NDST1: variants seen among roughly 807,000 people sequenced by gnomAD.
NDST1 encodes bifunctional heparan sulfate N-deacetylase/N-sulfotransferase 1.
Under a neutral mutation model 92.8 loss-of-function variants are expected in NDST1, and 35 were observed. The ratio of observed to expected loss-of-function variants is 0.38; its 90% CI spans 0.29 to 0.50. NDST1 has a LOEUF of 0.50. Among genes scored for constraint, NDST1 ranks in the 20% least tolerant of loss-of-function variants. The pLI is 0.94. For synonymous variants in NDST1, 493 were observed against 500.3 expected (o/e 0.99, Z 0.19); for missense variants, 822 against 1,182.7 (o/e 0.69, Z 4.47).
chr5:150,507,814 A>C (rs970062630), upstream of NDST1: 2 of 152,416 alleles, frequency 1.3e-5, no homozygotes, highest in Non-Finnish European at 1.5e-5. Context: ...TGAGAGGGTC[A>C]GAAGACCCAC....
chr5:150,542,833 C>G lies in NDST1; in HGVS notation c.1847-15C>G. The G allele has an allele frequency of 6.2e-7, 1 of 1,614,022 alleles. No homozygotes were observed. Among genetic ancestry groups the G allele is most frequent in the Non-Finnish European group, 8.5e-7 (1 of 1,179,916 alleles). On this transcript the variant is annotated splice_polypyrimidine_tract_variant and intron_variant, in intron 9 of 14. Coordinates refer to ENST00000261797, the MANE Select transcript of NDST1 (RefSeq NM_001543.5). ...GGGCTGGGCCCTGGGTCTCAGGTGT[C>G]TACCCTCCCCACAGGCACCACTGCC...
At chr5:150,517,807 C>T (rs1036599230) in intron 1 of NDST1, among the ~76,000 whole-genome samples, 3 of 152,260 alleles carry the variant, frequency 2.0e-5, no homozygotes, top group African/African-American at 7.2e-5. Context: ...TAGAGGGTCA[C>T]TGACCACAGC....
chr5:150,509,794 C>A (rs571760448), intron 1 of NDST1, among the ~76,000 whole-genome samples: 2 of 152,348 alleles, frequency 1.3e-5, no homozygotes, highest in South Asian at 2.1e-4. Context: ...CAGGCAGGGG[C>A]CACTGCCCCG....
rs1046792376 is a variant in NDST1, at chr5:150,548,529, G to T, written c.2316+141G>T. On this transcript the variant is annotated intron_variant, in intron 12 of 14. Coordinates refer to ENST00000261797, the MANE Select transcript of NDST1 (RefSeq NM_001543.5). ...AGCTAGACCCTTGGGTCTATAAAAA[G>T]ATTTTATTATTATTATTATTATTTT... 22 of 855,672 alleles carry T rather than the reference G, an allele frequency of 2.6e-5. No homozygotes were observed. In the African/African-American group the frequency reaches 3.1e-4, roughly 12 times the overall value. The allele number at this position is 855,672 out of a possible 1,614,324, so 53.0% of individuals were successfully genotyped here.
intron 6 of NDST1, among the ~76,000 whole-genome samples, chr5:150,538,871 G>T (rs941385867): frequency 6.6e-6 from 1 of 152,226 alleles, no homozygotes; most frequent in Admixed American, 6.5e-5. Flanking sequence ...GTCACCAGGT[G>T]AGGTTCTAAT....
At chr5:150,551,878 G>GTA in intron 14 of NDST1, 23 bp downstream of exon 14, 1 of 1,611,278 alleles carries the variant, frequency 6.2e-7, no homozygotes, top group Non-Finnish European at 8.5e-7. Context: ...CACACTACCT[G>GTA]TAGCACCTGC....
intron 1 of NDST1, among the ~76,000 whole-genome samples, chr5:150,519,412 A>G (rs1420076093): frequency 1.3e-5 from 2 of 152,198 alleles, no homozygotes; most frequent in East Asian, 1.9e-4. Context: ...TGTGACTGAT[A>G]GTTGCTCCTT....
chr5:150,517,390 T>G (rs1754025852), intron 1 of NDST1, among the ~76,000 whole-genome samples: 1 of 151,510 alleles, frequency 6.6e-6, no homozygotes, highest in Non-Finnish European at 1.5e-5. Flanking sequence ...TCCTCCTGCC[T>G]CGACCTCCCA....
chr5:150,551,880 A>G, intron 14 of NDST1, 25 bp downstream of exon 14: 1 of 1,611,074 alleles, frequency 6.2e-7, no homozygotes, highest in Non-Finnish European at 8.5e-7. Context: ...CACTACCTGT[A>G]GCACCTGCAT....
chr5:150,533,401 C>T (rs1481773630), intron 4 of NDST1, among the ~76,000 whole-genome samples: 1 of 152,214 alleles, frequency 6.6e-6, no homozygotes, highest in Non-Finnish European at 1.5e-5. Context: ...AAACATGTAG[C>T]ATAGAAAGTG....
At chr5:150,531,681 TA>T (rs948014266) in intron 3 of NDST1, among the ~76,000 whole-genome samples, 11 of 150,582 alleles carry the variant, frequency 7.3e-5, no homozygotes, top group Non-Finnish European at 1.0e-4. Flanking sequence ...GTATTTTTAG[TA>T]GAGACAGGGT....
chr5:150,533,132 G>C (rs1319330183), intron 4 of NDST1, 100 bp downstream of exon 4: 1 of 1,188,694 alleles, frequency 8.4e-7, no homozygotes, highest in Non-Finnish European at 1.3e-6. Context: ...TGGGTTTACT[G>C]GCCCACATTA....
chr5:150,527,666 C>T, intron 2 of NDST1, 138 bp from the exon 3 acceptor site: 1 of 1,234,500 alleles, frequency 8.1e-7, no homozygotes, highest in South Asian at 1.4e-5. Context: ...GGGTGGAGCG[C>T]AGGGCCAGGG....
intron 1 of NDST1, 62 bp downstream of exon 1, chr5:150,508,288 CCCCTG>C (rs916476986): frequency 6.5e-6 from 1 of 154,460 alleles, no homozygotes; most frequent in African/African-American, 2.4e-5. Flanking sequence ...TGTCCCTGGC[CCCCTG>C]CCCTGTCCAG....
chr5:150,544,565 C>T (rs535446870), intron 10 of NDST1, among the ~76,000 whole-genome samples: 5 of 152,310 alleles, frequency 3.3e-5, no homozygotes, highest in African/African-American at 1.2e-4. Context: ...ATCAGCCCCA[C>T]CTCACAGGAT....
rs1208372581 is a variant in NDST1 at position 150,553,741 on chromosome 5, G to A, written c.*409G>A. The stretch of plus-strand genomic sequence containing the variant: ...TGTCCCTGTCCTCCAGGCTGTAGGG[G>A]AGGAGAGCCTGGCCGGGGGAGACAG... On this transcript the variant is annotated 3_prime_UTR_variant, in exon 15 of 15. Transcript: ENST00000261797. This position sits in a 1 kb window ranked among gnomAD's most constrained non-coding sequence, Gnocchi z 4.2. The A allele has an allele frequency of 4.8e-6, 2 of 416,936 alleles. No individual in the cohort carries two copies. Among genetic ancestry groups the A allele is most frequent in the Non-Finnish European group, 9.0e-6 (2 of 222,576 alleles). 25.8% of individuals were successfully genotyped at this position (416,936 alleles called of 1,614,324 possible).
At chr5:150,516,184 A>C (rs77322432) in intron 1 of NDST1, among the ~76,000 whole-genome samples, 11,987 of 152,212 alleles carry the variant, frequency 0.079, 586 homozygotes, top group Middle Eastern at 0.21. Flanking sequence ...CCTCTGTGTA[A>C]TAAGTGTGTG....
intron 6 of NDST1, among the ~76,000 whole-genome samples, chr5:150,538,961 C>T (rs911802125): frequency 6.6e-6 from 1 of 152,238 alleles, no homozygotes; most frequent in African/African-American, 2.4e-5. Flanking sequence ...GCAGCAGTCC[C>T]AAGTTTCCAG....
chr5:150,535,597 C>A, intron 5 of NDST1, 103 bp from the exon 6 acceptor site: 2 of 1,424,866 alleles, frequency 1.4e-6, no homozygotes, highest in Non-Finnish European at 2.0e-6. Context: ...AGCAGCCATG[C>A]CGACCTAACC....
Sources: allele counts gnomAD v4.1 joint callset (sites outside exome capture counted in the v4.1 genomes callset), GRCh38; gene constraint gnomAD v4.1.1; non-coding constraint Gnocchi (gnomAD v3.1); transcripts MANE v1.5; gene names NCBI Gene and HGNC (gene_info 2026-07-23, HGNC 2026-07-21).